Variants in IL5RA observed in about 807,000 individuals in gnomAD.
The protein encoded by IL5RA is interleukin-5 receptor subunit alpha.
IL5RA carries 49 observed loss-of-function variants against 50.0 expected under a neutral mutation model. The ratio of observed to expected loss-of-function variants is 0.98; its 90% CI spans 0.78 to 1.24. The LOEUF (loss-of-function observed/expected upper bound fraction) is 1.24. Ranked by LOEUF, IL5RA falls within the 50% of genes most tolerant of loss-of-function variation. The pLI is 0.00. For missense variants in IL5RA, 600 were observed against 500.4 expected, an observed-to-expected ratio of 1.20 and a Z score of -1.90; for synonymous variants, 202 against 174.0, an observed-to-expected ratio of 1.16 and a Z score of -1.26.
rs1388755914 is a variant in IL5RA, at chr3:3,069,836, CA to C, written c.*388del. 1 of 168,336 alleles carries C rather than the reference CA, an allele frequency of 5.9e-6. No homozygotes were observed. The highest frequency in any genetic ancestry group is 6.3e-5 in the Admixed American group (1 of 15,784). The allele number at this position is 168,336 out of a possible 1,614,324, so 10.4% of individuals were successfully genotyped here. On this transcript the variant is annotated 3_prime_UTR_variant, in exon 12 of 12. Transcript: ENST00000446632. ...GATGGTAGCTGAGTGCTACAATTGG[CA>C]GCTTAAACAGCCAAACGGGCACAGC...
intron 11 of IL5RA, chr3:3,073,770 CT>C: frequency 1.3e-5 from 6 of 449,960 alleles, no homozygotes; most frequent in East Asian, 7.1e-5. Flanking sequence ...TCCCAGCTAC[CT>C]TTTTTTGTAG....
chr3:3,077,228 A>G (rs1204643634), intron 9 of IL5RA, among the ~76,000 whole-genome samples: 1 of 152,240 alleles, frequency 6.6e-6, no homozygotes, highest in African/African-American at 2.4e-5. Context: ...GAAAGTCAGT[A>G]TTTTGTATGC....
chr3:3,093,237 G>A (rs936519676), intron 8 of IL5RA, among the ~76,000 whole-genome samples: 2 of 152,106 alleles, frequency 1.3e-5, no homozygotes, highest in African/African-American at 2.4e-5. Context: ...CAGGCATCCA[G>A]GCAGACTGAA....
chr3:3,101,667 C>G (rs374414218), intron 5 of IL5RA, 25 bp downstream of exon 5: 54 of 1,604,418 alleles, frequency 3.4e-5, no homozygotes, highest in Non-Finnish European at 4.5e-5. Flanking sequence ...AACATACAAA[C>G]TGGACTTTTG....
chr3:3,105,735 G>A (rs1334874750), intron 2 of IL5RA, among the ~76,000 whole-genome samples: 5 of 150,972 alleles, frequency 3.3e-5, no homozygotes, highest in Non-Finnish European at 7.4e-5. Flanking sequence ...ATTGGGCAAT[G>A]AGAAGGAATC....
intron 11 of IL5RA, chr3:3,073,965 A>G (rs1211140776): frequency 3.8e-6 from 1 of 262,270 alleles, no homozygotes; most frequent in Non-Finnish European, 7.5e-6. Flanking sequence ...GATAAAACCA[A>G]TCAGATAGTC....
At position 3,104,979 on chromosome 3, in the gene IL5RA, G is replaced by A; in HGVS notation, c.6C>T (p.Ile2=). M[I]IVAHVLLILL... is the part of the protein sequence containing the mutation. ...GGATGAGTAATACATGCGCCACGAT[G>A]ATCATATCCTACAGAAAACAAGGGA... The change falls in exon 3 of 12, where the codon ATC becomes ATT. Residue 2 remains isoleucine, a synonymous_variant. Coordinates refer to ENST00000446632, the MANE Select transcript of IL5RA (RefSeq NM_175726.4). The A allele has an allele frequency of 6.2e-7, 1 of 1,609,004 alleles. No homozygotes were observed. The highest frequency in any genetic ancestry group is 2.2e-5 in the East Asian group (1 of 44,810).
intron 9 of IL5RA, among the ~76,000 whole-genome samples, chr3:3,077,840 G>A (rs752907907): frequency 3.3e-5 from 5 of 152,188 alleles, no homozygotes; most frequent in Non-Finnish European, 5.9e-5. Flanking sequence ...AAGAGGTTAT[G>A]TGCTTGCTAA....
At chr3:3,097,812 T>C (rs996284433) in intron 7 of IL5RA, 58 bp downstream of exon 7, 72 of 1,547,462 alleles carry the variant, frequency 4.7e-5, no homozygotes, top group Non-Finnish European at 6.3e-5. Flanking sequence ...TAACCCTTCC[T>C]TCCAGTGCTG....
At chr3:3,073,677 G>C (rs762853207) in intron 11 of IL5RA, 40 of 341,492 alleles carry the variant, frequency 1.2e-4, no homozygotes, top group Non-Finnish European at 2.1e-4. Flanking sequence ...AATAAATGGA[G>C]TGATATGCTA....
chr3:3,074,124 C>A (rs1249885816), intron 11 of IL5RA, among the ~76,000 whole-genome samples: 1 of 152,204 alleles, frequency 6.6e-6, no homozygotes, highest in Non-Finnish European at 1.5e-5. Flanking sequence ...CCTAAGCGCT[C>A]TGAATGGTGA....
At chr3:3,084,393 T>G (rs963641155) in intron 9 of IL5RA, among the ~76,000 whole-genome samples, 2 of 152,134 alleles carry the variant, frequency 1.3e-5, no homozygotes, top group Non-Finnish European at 2.9e-5. Context: ...ACACCAAATA[T>G]TCTAGATACT....
chr3:3,098,531 C>T (rs1250164576), intron 5 of IL5RA, among the ~76,000 whole-genome samples: 1 of 152,100 alleles, frequency 6.6e-6, no homozygotes, highest in Non-Finnish European at 1.5e-5. Context: ...CCTCAGCCTC[C>T]CAAGTAGCTG....
At chr3:3,078,570 ACG>A (rs1702562147) in intron 9 of IL5RA, among the ~76,000 whole-genome samples, 1 of 152,192 alleles carries the variant, frequency 6.6e-6, no homozygotes, top group Non-Finnish European at 1.5e-5. Flanking sequence ...GCGGTGGCTC[ACG>A]CCTGTAATCC....
At chr3:3,100,271 C>T (rs1407838411) in intron 5 of IL5RA, among the ~76,000 whole-genome samples, 1 of 152,082 alleles carries the variant, frequency 6.6e-6, no homozygotes, top group Non-Finnish European at 1.5e-5. Flanking sequence ...TTTCAAGAAG[C>T]AGAGGGAGAA....
At chr3:3,078,019 G>A (rs948980505) in intron 9 of IL5RA, among the ~76,000 whole-genome samples, 4 of 152,018 alleles carry the variant, frequency 2.6e-5, no homozygotes, top group Non-Finnish European at 4.4e-5. Context: ...TTCAGTGGTC[G>A]AAAGATCACA....
At chr3:3,076,142 TGTG>T (rs1322227139) in intron 10 of IL5RA, among the ~76,000 whole-genome samples, 2 of 152,114 alleles carry the variant, frequency 1.3e-5, no homozygotes, top group South Asian at 2.1e-4. Context: ...ATGCAGGCAT[TGTG>T]GTGATTTTAG....
At chr3:3,098,918 C>A (rs983254509) in intron 5 of IL5RA, among the ~76,000 whole-genome samples, 2 of 152,154 alleles carry the variant, frequency 1.3e-5, no homozygotes, top group African/African-American at 4.8e-5. Flanking sequence ...AACTTTGGTG[C>A]TCTAATGCCA....
intron 5 of IL5RA, 37 bp from the exon 6 acceptor site, chr3:3,098,327 A>G (rs774020215): frequency 5.1e-6 from 8 of 1,582,996 alleles, no homozygotes; most frequent in South Asian, 1.1e-5. Flanking sequence ...AAACATTGCC[A>G]TGGCAAACTC....
Sources: gnomAD v4.1 joint callset for allele counts (sites outside exome capture counted in the v4.1 genomes callset) on GRCh38, gnomAD v4.1.1 for gene constraint, MANE v1.5 for transcripts, NCBI Gene and HGNC (gene_info 2026-07-23, HGNC 2026-07-21) for gene names.